TPRG1: variants seen among roughly 807,000 people sequenced by gnomAD.
The protein encoded by TPRG1 is tumor protein p63 regulated 1.
TPRG1 carries 29 observed loss-of-function variants against 29.3 expected under a neutral mutation model. The observed-to-expected ratio is 0.99, with a 90% CI of 0.74 to 1.35. The LOEUF (loss-of-function observed/expected upper bound fraction) is 1.35, where lower values mean the gene tolerates loss of function less well. Among genes scored for constraint, TPRG1 ranks in the 40% most tolerant of loss-of-function variants. The pLI, the probability that TPRG1 is intolerant of heterozygous loss-of-function variation, is 0.00. For missense variants in TPRG1, 327 were observed against 335.0 expected, an observed-to-expected ratio of 0.98 and a Z score of 0.19; for synonymous variants, 130 against 116.8, an observed-to-expected ratio of 1.11 and a Z score of -0.73.
At chr3:189,284,764 C>T (rs1576957374) in intron 4 of TPRG1, among the ~76,000 whole-genome samples, 1 of 152,214 alleles carries the variant, frequency 6.6e-6, no homozygotes. Context: ...GGATCCCTTC[C>T]TTACACCTTA....
intron 4 of TPRG1, among the ~76,000 whole-genome samples, chr3:189,290,463 A>G (rs1055386356): frequency 1.3e-5 from 2 of 152,262 alleles, no homozygotes; most frequent in Non-Finnish European, 2.9e-5. Context: ...ACTTGATGAT[A>G]TCTTTCGTTG....
intron 4 of TPRG1, among the ~76,000 whole-genome samples, chr3:189,081,907 C>G (rs77143743): frequency 0.028 from 4,276 of 152,106 alleles, 201 homozygotes; most frequent in African/African-American, 0.097. Context: ...TTGGAATTTG[C>G]CTGGGATTCA....
intron 1 of TPRG1, among the ~76,000 whole-genome samples, chr3:189,124,726 C>T (rs1722251944): frequency 6.6e-6 from 1 of 152,088 alleles, no homozygotes; most frequent in Non-Finnish European, 1.5e-5. Flanking sequence ...ATGGGCATTG[C>T]TAAAAATAGT....
intron 5 of TPRG1, among the ~76,000 whole-genome samples, chr3:189,315,279 TGTG>T (rs144823551): frequency 0.16 from 8,407 of 53,774 alleles, 306 homozygotes; most frequent in Non-Finnish European, 0.18. Flanking sequence ...CTGAAAGAAT[TGTG>T]TGTGTGTGTG....
chr3:189,019,388 T>G (rs563504030), intron 3 of TPRG1, among the ~76,000 whole-genome samples: 20 of 152,348 alleles, frequency 1.3e-4, no homozygotes, highest in African/African-American at 4.6e-4. Flanking sequence ...TAGCTCTTAT[T>G]ATTTTGAAAT....
At chr3:189,026,693 CT>C (rs1467596807) in intron 4 of TPRG1, among the ~76,000 whole-genome samples, 1 of 152,168 alleles carries the variant, frequency 6.6e-6, no homozygotes, top group Middle Eastern at 3.2e-3. Context: ...GTTGTAGAGT[CT>C]TGGAAAAGCA....
At chr3:189,277,296 A>G (rs1358969152) in intron 4 of TPRG1, among the ~76,000 whole-genome samples, 2 of 152,182 alleles carry the variant, frequency 1.3e-5, no homozygotes, top group South Asian at 2.1e-4. Context: ...GACACCTTAA[A>G]CACACACATA....
intron 5 of TPRG1, among the ~76,000 whole-genome samples, chr3:189,314,239 G>C (rs907265576): frequency 6.6e-6 from 1 of 152,114 alleles, no homozygotes; most frequent in African/African-American, 2.4e-5. Context: ...AGGGTTGGTT[G>C]TCAGGCAGTT....
intron 4 of TPRG1, among the ~76,000 whole-genome samples, chr3:189,024,101 C>T (rs191401296): frequency 3.9e-5 from 6 of 152,342 alleles, no homozygotes; most frequent in East Asian, 1.9e-4. Context: ...CCAGCTGAAA[C>T]GTCTAAACAG....
At chr3:189,250,209 G>T (rs1741947055) in intron 4 of TPRG1, among the ~76,000 whole-genome samples, 1 of 152,134 alleles carries the variant, frequency 6.6e-6, no homozygotes, top group Admixed American at 6.5e-5. Flanking sequence ...CATCTGTTAA[G>T]TGTAAAGGGC....
rs1560467305 is a variant in TPRG1, at chr3:189,125,814, TGTGTGTG to T, written c.-743-1242_-743-1236del. ...CAGAAGATGGAGCTGCAGGGTGTTT[TGTGTGTG>T]TGTGTGTGTGTGTGTGTGTGTGTGT... On this transcript the variant is annotated intron_variant, in intron 1 of 6. Coordinates refer to the TPRG1 transcript ENST00000412373. Among the ~76,000 whole-genome samples the T allele has an allele frequency of 1.7e-3, 9 of 5,430 alleles. No individual in the cohort carries two copies. In the African/African-American group the frequency reaches 0.023, roughly 14 times the overall value. The allele number at this position is 5,430 out of a possible 152,430, so 3.6% of individuals were successfully genotyped here. A position where few individuals can be genotyped will look rare whatever the true frequency, so the allele number is the denominator to read the frequency against.
intron 1 of TPRG1, among the ~76,000 whole-genome samples, chr3:189,110,933 A>G (rs1034038625): frequency 1.3e-5 from 2 of 151,554 alleles, no homozygotes; most frequent in African/African-American, 2.4e-5. Flanking sequence ...TATAATAGAT[A>G]TATAAAACCT....
At chr3:189,127,833 T>C (rs1349776952) in intron 2 of TPRG1, among the ~76,000 whole-genome samples, 1 of 152,200 alleles carries the variant, frequency 6.6e-6, no homozygotes, top group Non-Finnish European at 1.5e-5. Context: ...TTGTCTTCCC[T>C]CAGACTCAGT....
chr3:189,085,447 A>ATGTGTGTGTGTGTGCGTGTG (rs760271078), intron 4 of TPRG1, among the ~76,000 whole-genome samples: 26 of 121,934 alleles, frequency 2.1e-4, no homozygotes, highest in African/African-American at 1.1e-3. Flanking sequence ...GTGTGTGTGC[A>ATGTGTGTGTGTGTGCGTGTG]TGTGTGTGTG....
At chr3:189,117,297 C>T (rs914821799) in intron 1 of TPRG1, among the ~76,000 whole-genome samples, 6 of 152,212 alleles carry the variant, frequency 3.9e-5, no homozygotes, top group African/African-American at 1.4e-4. Flanking sequence ...CCATGTGGGA[C>T]ATAACTGGAA....
intron 3 of TPRG1, among the ~76,000 whole-genome samples, chr3:189,145,329 T>C (rs1307198942): frequency 7.3e-6 from 1 of 136,310 alleles, no homozygotes; most frequent in Non-Finnish European, 1.5e-5. Context: ...GCCAGTGCAC[T>C]CCAGCCTGGC....
chr3:189,082,378 G>T (rs1436438138), intron 4 of TPRG1, among the ~76,000 whole-genome samples: 3 of 152,208 alleles, frequency 2.0e-5, no homozygotes, highest in Non-Finnish European at 4.4e-5. Flanking sequence ...TTGGCTCTAT[G>T]TAGGTGTTCT....
chr3:189,160,108 C>G (rs1272413280), intron 5 of TPRG1, among the ~76,000 whole-genome samples: 2 of 152,138 alleles, frequency 1.3e-5, no homozygotes, highest in Non-Finnish European at 2.9e-5. Context: ...TTAGCCTGAG[C>G]TGAGATGGGC....
At chr3:189,139,914 G>C (rs187009163) in intron 3 of TPRG1, among the ~76,000 whole-genome samples, 2 of 152,072 alleles carry the variant, frequency 1.3e-5, no homozygotes, top group Admixed American at 1.3e-4. Context: ...TTGTCAATCC[G>C]TGCAGAGCAG....
Sources: gnomAD v4.1 joint callset for allele counts (sites outside exome capture counted in the v4.1 genomes callset) on GRCh38, gnomAD v4.1.1 for gene constraint, MANE v1.5 for transcripts, NCBI Gene and HGNC (gene_info 2026-07-23, HGNC 2026-07-21) for gene names.